Variants in OPRM1 observed in about 807,000 individuals in gnomAD.
OPRM1 encodes the protein opioid receptor mu 1, also known as mu-type opioid receptor.
In OPRM1, 27 loss-of-function variants were observed where a neutral mutation model predicts 31.8. That is an observed-to-expected ratio of 0.85 (90% CI 0.63 to 1.17). OPRM1 has a LOEUF of 1.17. Ranked by LOEUF, OPRM1 falls within the 50% of genes most tolerant of loss-of-function variation. The pLI is 0.00. For synonymous variants in OPRM1, 196 were observed against 189.9 expected, an observed-to-expected ratio of 1.03 and a Z score of -0.26; for missense variants, 536 against 511.1, an observed-to-expected ratio of 1.05 and a Z score of -0.47.
chr6:154,224,421 C>T (rs1416031213), intron 3 of OPRM1, among the ~76,000 whole-genome samples: 1 of 152,136 alleles, frequency 6.6e-6, no homozygotes, highest in African/African-American at 2.4e-5. Flanking sequence ...AGATTCAAAA[C>T]TCAAGGCTGG....
At chr6:154,034,514 C>T (rs1231377911), upstream of OPRM1, among the ~76,000 whole-genome samples, 1 of 152,086 alleles carries the variant, frequency 6.6e-6, no homozygotes, top group African/African-American at 2.4e-5. Context: ...CGCCACTGCA[C>T]TCCAGCCTGG....
rs2128527896 is a variant in OPRM1, at chr6:154,123,098, C to G, written c.*4377C>G. On this transcript the variant is annotated 3_prime_UTR_variant, in exon 4 of 4. Transcript: ENST00000330432. ...GGGTTGCTGTTTTTACAGCTGAATC[C>G]AAAAGCTTTTATAAGAAACTCCTCT... Among the ~76,000 whole-genome samples the G allele has an allele frequency of 6.6e-6, 1 of 152,208 alleles. No homozygotes were observed. The highest frequency in any genetic ancestry group is 2.1e-4 in the South Asian group (1 of 4,818).
At position 154,124,803 on chromosome 6, in the gene OPRM1, C is replaced by T. The variant is rs796433523; in HGVS notation, c.*6082C>T. 2.5e-4 allele frequency among the ~76,000 whole-genome samples: 38 copies of T among 152,302 alleles called. No individual in the cohort carries two copies. The highest frequency in any genetic ancestry group is 9.1e-4 in the African/African-American group (38 of 41,556). On this transcript the variant is annotated 3_prime_UTR_variant, in exon 4 of 4. Coordinates refer to ENST00000330432, the MANE Select transcript of OPRM1 (RefSeq NM_000914.5). ...CAAGGAAAAAAGATGAAAGCTTACT[C>T]ATATTAACCATTCTACCATTGGAAT... is the stretch of plus-strand genomic sequence containing the variant.
chr6:154,045,534 G>A (rs1297562182), intron 1 of OPRM1, among the ~76,000 whole-genome samples: 1 of 152,150 alleles, frequency 6.6e-6, no homozygotes, highest in Non-Finnish European at 1.5e-5. Flanking sequence ...GTCCCCAAGG[G>A]ACCACCATAG....
downstream of OPRM1, among the ~76,000 whole-genome samples, chr6:154,135,484 G>GATAGAT (rs58196022): frequency 0.19 from 27,160 of 144,256 alleles, 2,835 homozygotes; most frequent in Non-Finnish European, 0.22. Context: ...AAAATATATA[G>GATAGAT]ATAGATATAG....
chr6:154,031,740 C>T (rs910673563), intron 1 of OPRM1, among the ~76,000 whole-genome samples: 4 of 151,466 alleles, frequency 2.6e-5, no homozygotes, highest in Middle Eastern at 3.4e-3. Flanking sequence ...GACTCCGTCT[C>T]GGAAAAAAAT....
chr6:154,025,316 T>C (rs1325844249), intron 1 of OPRM1, among the ~76,000 whole-genome samples: 1 of 152,104 alleles, frequency 6.6e-6, no homozygotes, highest in African/African-American at 2.4e-5. Context: ...GAAATCTATT[T>C]TGTCTGATAC....
intron 1 of OPRM1, among the ~76,000 whole-genome samples, chr6:154,049,156 A>T (rs1781722516): frequency 6.6e-6 from 1 of 152,190 alleles, no homozygotes; most frequent in Admixed American, 6.5e-5. Flanking sequence ...ATCATGCCTG[A>T]ACAAAGCTTC....
intron 1 of OPRM1, among the ~76,000 whole-genome samples, chr6:154,054,293 C>A (rs1346807783): frequency 1.4e-5 from 2 of 143,780 alleles, no homozygotes; most frequent in African/African-American, 2.6e-5. Flanking sequence ...TGCGTGGACC[C>A]GGGAGGCGGA....
chr6:154,146,434 C>A lies in OPRM1; in HGVS notation c.1164+54962C>A, dbSNP rs1473362249. 2.0e-5 allele frequency among the ~76,000 whole-genome samples: 3 copies of A among 152,164 alleles called. No homozygotes were observed. In the East Asian group the frequency reaches 5.8e-4, roughly 29 times the overall value. ...AAAGAAAGAAAGTGGAAGAGGAAAT[C>A]TACAACCTACTTTGATCAATAATTT... On this transcript the variant is annotated intron_variant, in intron 3 of 3. Transcript: ENST00000337049.
At position 154,091,464 on chromosome 6, in the gene OPRM1, A is replaced by G. The variant is rs2128487104; in HGVS notation, c.1156A>G (p.Asn386Asp). The change falls in exon 3 of 4, where the codon AAT becomes GAT. Residue 386 changes from asparagine to aspartate, a missense_variant. Physicochemically the swap from Asn to Asp is conservative, Grantham distance 23. Transcript: ENST00000330432. The stretch of plus-strand genomic sequence containing the variant: ...CACGGCCAATACAGTGGATAGAACT[A>G]ATCATCAGGTACGCAGTCTCTAGAA... ...PSTANTVDRT[N>D]HQLENLEAET... is the part of the protein sequence containing the mutation. 1.2e-6 allele frequency: 2 copies of G among 1,611,342 alleles called. No individual in the cohort carries two copies. The highest frequency in any genetic ancestry group is 1.7e-6 in the Non-Finnish European group (2 of 1,179,720).
At chr6:154,057,060 A>AT (rs1456593029) in intron 1 of OPRM1, among the ~76,000 whole-genome samples, 1 of 152,186 alleles carries the variant, frequency 6.6e-6, no homozygotes, top group African/African-American at 2.4e-5. Flanking sequence ...AAATAAATAA[A>AT]ACACATATCT....
intron 3 of OPRM1, among the ~76,000 whole-genome samples, chr6:154,161,327 C>T (rs1048324723): frequency 6.6e-6 from 1 of 151,846 alleles, no homozygotes; most frequent in Admixed American, 6.6e-5. Flanking sequence ...TCTCCTGCAT[C>T]AACCTCCCAA....
chr6:154,107,852 C>A, intron 3 of OPRM1: 1 of 701,954 alleles, frequency 1.4e-6, no homozygotes, highest in Non-Finnish European at 2.6e-6. Flanking sequence ...TCCCTCAACA[C>A]AGAAAAACGA....
At chr6:154,135,633 C>G (rs371866245), downstream of OPRM1, among the ~76,000 whole-genome samples, 1 of 152,276 alleles carries the variant, frequency 6.6e-6, no homozygotes, top group East Asian at 1.9e-4. Flanking sequence ...GGCTCCCTGG[C>G]CAACTTGAAA....
chr6:154,230,718 GT>G (rs1457253276), intron 3 of OPRM1, among the ~76,000 whole-genome samples: 1 of 152,106 alleles, frequency 6.6e-6, no homozygotes, highest in Non-Finnish European at 1.5e-5. Context: ...TGAAACCATA[GT>G]TCCTTAATTC....
Position 154,165,396 on chromosome 6 carries a change from C to T in OPRM1, c.1164+73924C>T, listed in dbSNP as rs114981900. On this transcript the variant is annotated intron_variant, in intron 3 of 3. Transcript: ENST00000337049. ...TATACCCTTCCAACATGAACATGCA[C>T]ACATGTACCAAGTTCTCTCTCTCCT... is the stretch of plus-strand genomic sequence containing the variant. Among the ~76,000 whole-genome samples, 549 of 152,304 alleles carry T rather than the reference C, an allele frequency of 3.6e-3. 3 individuals carry two copies. Among genetic ancestry groups the T allele is most frequent in the African/African-American group, 0.013 (527 of 41,562 alleles).
intron 1 of OPRM1, among the ~76,000 whole-genome samples, chr6:154,024,468 G>A (rs2128383849): frequency 6.6e-6 from 1 of 151,456 alleles, no homozygotes; most frequent in Middle Eastern, 3.4e-3. Context: ...TGTCAATTTT[G>A]TTTAGCTTTT....
chr6:154,069,505 G>A (rs977838208), intron 1 of OPRM1, among the ~76,000 whole-genome samples: 1 of 152,174 alleles, frequency 6.6e-6, no homozygotes, highest in Non-Finnish European at 1.5e-5. Context: ...CCAAAGTGCT[G>A]GGATTACAGG....
Sources: allele counts gnomAD v4.1 joint callset (sites outside exome capture counted in the v4.1 genomes callset), GRCh38; gene constraint gnomAD v4.1.1; transcripts MANE v1.5; gene names NCBI Gene and HGNC (gene_info 2026-07-23, HGNC 2026-07-21).